B4GALNT3: variants seen among roughly 807,000 people sequenced by gnomAD.
B4GALNT3 encodes the protein beta-1,4-N-acetyl-galactosaminyltransferase 3.
Under a neutral mutation model 120.2 loss-of-function variants are expected in B4GALNT3, and 86 were observed. That is an observed-to-expected ratio of 0.72 (90% confidence interval 0.60 to 0.86). The LOEUF (loss-of-function observed/expected upper bound fraction) is 0.86, where lower values mean the gene tolerates loss of function less well. B4GALNT3 is among the 40% of genes least tolerant of loss of function. B4GALNT3 has a pLI of 0.00. For synonymous variants in B4GALNT3, 518 were observed against 510.4 expected (o/e 1.01, Z -0.20); for missense variants, 1,167 against 1,298.9 (o/e 0.90, Z 1.56).
chr12:502,476 G>A (rs1470524634), intron 1 of B4GALNT3, among the ~76,000 whole-genome samples: 4 of 152,168 alleles, frequency 2.6e-5, no homozygotes, highest in African/African-American at 9.7e-5. Flanking sequence ...GATGAGGACA[G>A]GCAAGAGGTG....
At chr12:558,393 TG>T in intron 17 of B4GALNT3, 114 bp from the exon 18 acceptor site, 1 of 1,009,726 alleles carries the variant, frequency 9.9e-7, no homozygotes, top group African/African-American at 1.6e-5. Flanking sequence ...GCTGGTTTTG[TG>T]GGAGTTTGTG....
chr12:541,861 AC>A (rs1156625338), intron 3 of B4GALNT3, among the ~76,000 whole-genome samples: 1 of 27,114 alleles, frequency 3.7e-5, no homozygotes, highest in African/African-American at 1.5e-4. Context: ...ACCCCCCCCC[AC>A]CCCCCGGCCT....
Position 460,615 on chromosome 12 carries a change from C to T in B4GALNT3, c.169+70C>T. ...GGCGGCGGCTCCTGCGTTGGGGGGA[C>T]CCGCCTCTCATCCCATCCTCAGACC... On this transcript the variant is annotated intron_variant, in intron 1 of 19. Coordinates refer to ENST00000266383, the MANE Select transcript of B4GALNT3 (RefSeq NM_173593.4). The surrounding 1 kb of genome is among the most constrained non-coding windows in gnomAD (Gnocchi z 8.0). The T allele has an allele frequency of 8.0e-7, 1 of 1,256,922 alleles. No homozygotes were observed. Among genetic ancestry groups the T allele is most frequent in the Non-Finnish European group, 1.0e-6 (1 of 982,692 alleles). 77.9% of individuals were successfully genotyped at this position (1,256,922 alleles called of 1,614,324 possible). A position where few individuals can be genotyped will look rare whatever the true frequency, so the allele number is the denominator to read the frequency against.
At chr12:509,129 G>A (rs1381592526) in intron 1 of B4GALNT3, among the ~76,000 whole-genome samples, 1 of 152,214 alleles carries the variant, frequency 6.6e-6, no homozygotes. Flanking sequence ...GATGGACAAC[G>A]TGTCTGAAGC....
chr12:474,287 A>G (rs764645552), intron 1 of B4GALNT3, among the ~76,000 whole-genome samples: 34 of 152,296 alleles, frequency 2.2e-4, no homozygotes, highest in Non-Finnish European at 4.3e-4. Flanking sequence ...CAAAACCAGT[A>G]TGGGGGGATG....
rs151334358 is a variant in B4GALNT3, at chr12:494,812, T to C, written c.169+34267T>C. On this transcript the variant is annotated intron_variant, in intron 1 of 19. Transcript: ENST00000266383. ...ACTGGAAAGGCTGACTGGGGCCTAA[T>C]GTGTGCGGGGGGGAGTCTTTATTCT... is the stretch of plus-strand genomic sequence containing the variant. Among the ~76,000 whole-genome samples the C allele has an allele frequency of 4.6e-3, 689 of 149,356 alleles. 6 individuals carry two copies. Among genetic ancestry groups the C allele is most frequent in the African/African-American group, 0.016 (658 of 40,950 alleles).
chr12:492,897 CAA>C (rs368327845), intron 1 of B4GALNT3, among the ~76,000 whole-genome samples: 5 of 122,084 alleles, frequency 4.1e-5, no homozygotes, highest in Non-Finnish European at 6.9e-5. Context: ...TGCACATATG[CAA>C]AAAAAAAAAA....
chr12:531,932 T>C (rs1458893703), intron 1 of B4GALNT3, among the ~76,000 whole-genome samples: 1 of 151,894 alleles, frequency 6.6e-6, no homozygotes, highest in Non-Finnish European at 1.5e-5. Context: ...CAGTTTATAA[T>C]TGGTAGATAT....
chr12:531,059 G>A (rs578224214), intron 1 of B4GALNT3, among the ~76,000 whole-genome samples: 46 of 152,288 alleles, frequency 3.0e-4, no homozygotes, highest in South Asian at 1.0e-3. Flanking sequence ...GAGGGTAAGC[G>A]ACAAATGTCA....
At chr12:540,599 CAG>C (rs1231552659) in intron 3 of B4GALNT3, 1 of 152,186 alleles carries the variant, frequency 6.6e-6, no homozygotes, top group East Asian at 1.9e-4. Context: ...TTGGCAAAGA[CAG>C]GGTTTTGATG....
At chr12:478,462 C>G (rs1359433361) in intron 1 of B4GALNT3, among the ~76,000 whole-genome samples, 1 of 152,016 alleles carries the variant, frequency 6.6e-6, no homozygotes, top group African/African-American at 2.4e-5. Flanking sequence ...TTGATTGAAG[C>G]AAGAGCTATC....
Position 559,429 on chromosome 12 carries a change from G to C in B4GALNT3, c.2888+8G>C. ...CTGGGAGCTGCTGGACAGGTGACTGGGAAGAGGAGGGCATCCACGAGGCCT... is the reference window on the plus strand; with the variant it reads ...CTGGGAGCTGCTGGACAGGTGACTGCGAAGAGGAGGGCATCCACGAGGCCT... On this transcript the variant is annotated splice_region_variant and intron_variant, in intron 19 of 19. Coordinates refer to ENST00000266383, the MANE Select transcript of B4GALNT3 (RefSeq NM_173593.4). The C allele has an allele frequency of 6.2e-7, 1 of 1,613,028 alleles. No individual in the cohort carries two copies. The highest frequency in any genetic ancestry group is 8.5e-7 in the Non-Finnish European group (1 of 1,179,202).
Position 459,990 on chromosome 12 carries a change from G to C in B4GALNT3, c.-387G>C, listed in dbSNP as rs1319071899. 6.6e-6 allele frequency among the ~76,000 whole-genome samples: 1 copy of C among 151,366 alleles called. No individual in the cohort carries two copies. Among genetic ancestry groups the C allele is most frequent in the Non-Finnish European group, 1.5e-5 (1 of 67,748 alleles). Reference sequence around the variant, plus strand: ...GCCCGGAGCCCGGTCCGGGGCTGGCGGGGGCGCGGGCGGAGGCAGGCGGGC... The same window carrying C: ...GCCCGGAGCCCGGTCCGGGGCTGGCCGGGGCGCGGGCGGAGGCAGGCGGGC... On this transcript the variant is annotated 5_prime_UTR_variant, in exon 1 of 20. Transcript: ENST00000266383.
chr12:534,586 G>A (rs1255464208), intron 1 of B4GALNT3, among the ~76,000 whole-genome samples: 1 of 152,152 alleles, frequency 6.6e-6, no homozygotes, highest in African/African-American at 2.4e-5. Context: ...CAGCCTCCCG[G>A]TGACTCCAGT....
At chr12:465,117 TGTGG>T (rs1382440914) in intron 1 of B4GALNT3, among the ~76,000 whole-genome samples, 1 of 152,204 alleles carries the variant, frequency 6.6e-6, no homozygotes. Flanking sequence ...CGTGTGCTCC[TGTGG>T]GCAGGGACTG....
At chr12:513,180 TCTTCCACCTTCCAC>T (rs201505869) in intron 1 of B4GALNT3, among the ~76,000 whole-genome samples, 24,323 of 142,768 alleles carry the variant, frequency 0.17, 2,120 homozygotes, top group South Asian at 0.22. Flanking sequence ...CCTTCCACCT[TCTTCCACCTTCCAC>T]CTTCCACCTT....
chr12:548,273 TC>T lies in B4GALNT3; in HGVS notation c.832del (p.Leu278SerfsTer58). 6.2e-7 allele frequency: 1 copy of T among 1,614,072 alleles called. No individual in the cohort carries two copies. The highest frequency in any genetic ancestry group is 1.1e-5 in the South Asian group (1 of 91,072). ...DPGAKFTIID[S>X]LSLSLFTNET... is the part of the protein sequence containing the mutation. ...TGGAGCCAAGTTCACCATCATTGAC[TC>T]CCTCTCCCTGTCCCTCTTCACAAGT... On this transcript the variant is annotated frameshift_variant, in exon 9 of 20. Transcript: ENST00000266383. LOFTEE classifies it high-confidence loss of function. This position sits in a 1 kb window ranked among gnomAD's most constrained non-coding sequence, Gnocchi z 4.9.
At chr12:509,692 T>A (rs1358268614) in intron 1 of B4GALNT3, among the ~76,000 whole-genome samples, 1 of 152,114 alleles carries the variant, frequency 6.6e-6, no homozygotes, top group Non-Finnish European at 1.5e-5. Context: ...CCTCCTGGAT[T>A]CCAGACTGTC....
chr12:463,852 T>A (rs1565585140), intron 1 of B4GALNT3, among the ~76,000 whole-genome samples: 1 of 152,164 alleles, frequency 6.6e-6, no homozygotes, highest in African/African-American at 2.4e-5. Context: ...ACAGAGGGTA[T>A]AAGAAGAATA....
Sources: allele counts gnomAD v4.1 joint callset (sites outside exome capture counted in the v4.1 genomes callset), GRCh38; gene constraint gnomAD v4.1.1; non-coding constraint Gnocchi (gnomAD v3.1); transcripts MANE v1.5; gene names NCBI Gene and HGNC (gene_info 2026-07-23, HGNC 2026-07-21).